IL34: variants seen among roughly 807,000 people sequenced by gnomAD.
The protein encoded by IL34 is interleukin-34.
Under a neutral mutation model 25.3 loss-of-function variants are expected in IL34, and 17 were observed. The ratio of observed to expected loss-of-function variants is 0.67; its 90% confidence interval spans 0.46 to 1.01. IL34 has a LOEUF of 1.01. IL34 is among the 50% of genes least tolerant of loss of function. The pLI, the probability that IL34 is intolerant of heterozygous loss-of-function variation, is 0.00. For synonymous variants in IL34, 174 were observed against 140.9 expected (o/e 1.23, Z -1.66); for missense variants, 368 against 312.9 (o/e 1.18, Z -1.33).
In IL34 at chr16:70,656,690, C is replaced by A. The variant is rs543869409; in HGVS notation, c.240+11C>A. The A allele has an allele frequency of 6.6e-5, 82 of 1,251,254 alleles. 1 individual carries two copies. In the South Asian group the frequency reaches 9.1e-4, roughly 14 times the overall value. 77.5% of individuals were successfully genotyped at this position (1,251,254 alleles called of 1,614,324 possible). ...AACGTCACCAGGCTGGTGAGAATCCCTTCCTGGGCTGGGGGGACCCTGCCT... is the reference window on the plus strand; with the variant it reads ...AACGTCACCAGGCTGGTGAGAATCCATTCCTGGGCTGGGGGGACCCTGCCT... On this transcript the variant is annotated intron_variant, in intron 3 of 5. Coordinates refer to ENST00000288098, the MANE Select transcript of IL34 (RefSeq NM_001393494.1).
At chr16:70,637,024 C>G (rs1161518212) in intron 1 of IL34, among the ~76,000 whole-genome samples, 1 of 151,608 alleles carries the variant, frequency 6.6e-6, no homozygotes, top group East Asian at 2.0e-4. Flanking sequence ...GGACTACAGG[C>G]TAATTTTTTG....
At chr16:70,647,634 C>T (rs369669270) in intron 1 of IL34, among the ~76,000 whole-genome samples, 24 of 152,312 alleles carry the variant, frequency 1.6e-4, no homozygotes, top group Admixed American at 9.8e-4. Flanking sequence ...GTGCCTCCCA[C>T]GTGCCCACTG....
chr16:70,627,322 A>T (rs958947531), intron 1 of IL34, among the ~76,000 whole-genome samples: 1 of 152,126 alleles, frequency 6.6e-6, no homozygotes, highest in Non-Finnish European at 1.5e-5. Context: ...TTGATGAGCT[A>T]TCACAAAGTG....
At chr16:70,654,479 G>A in intron 1 of IL34, 59 bp from the exon 2 acceptor site, 1 of 1,532,908 alleles carries the variant, frequency 6.5e-7, no homozygotes, top group Non-Finnish European at 8.8e-7. Flanking sequence ...TTTGCGTGTT[G>A]TGGACGGCGT....
intron 1 of IL34, among the ~76,000 whole-genome samples, chr16:70,583,212 A>T (rs548555838): frequency 3.5e-4 from 54 of 152,182 alleles, no homozygotes; most frequent in Non-Finnish European, 6.2e-4. Context: ...TCCTGGGTTC[A>T]AGTGATTCTC....
At chr16:70,639,310 C>A (rs572050589) in intron 1 of IL34, among the ~76,000 whole-genome samples, 41 of 152,306 alleles carry the variant, frequency 2.7e-4, no homozygotes, top group African/African-American at 8.9e-4. Flanking sequence ...CATTTGAAAA[C>A]AAATTACACG....
At chr16:70,656,537 G>A (rs1210276932) in intron 2 of IL34, 65 bp from the exon 3 acceptor site, 4 of 858,124 alleles carry the variant, frequency 4.7e-6, no homozygotes, top group Non-Finnish European at 8.2e-6. Flanking sequence ...CATCATTTGG[G>A]AGGTTGGGGA....
chr16:70,597,787 T>C (rs1254964494), intron 1 of IL34, among the ~76,000 whole-genome samples: 1 of 152,144 alleles, frequency 6.6e-6, no homozygotes, highest in Non-Finnish European at 1.5e-5. Flanking sequence ...TATATAGCTG[T>C]CCCTCTCCAG....
intron 1 of IL34, among the ~76,000 whole-genome samples, chr16:70,620,595 G>A (rs940666428): frequency 2.6e-5 from 4 of 152,134 alleles, no homozygotes; most frequent in East Asian, 1.9e-4. Flanking sequence ...GGGGACAGGC[G>A]GGAGGGAAAG....
intron 1 of IL34, among the ~76,000 whole-genome samples, chr16:70,649,222 C>G (rs1197957497): frequency 6.6e-6 from 1 of 152,180 alleles, no homozygotes; most frequent in Non-Finnish European, 1.5e-5. Flanking sequence ...TGTGCCAGCT[C>G]CTGCAGAGCA....
In IL34 at chr16:70,654,758, A is replaced by G. The variant is rs1476010186; in HGVS notation, c.162+87A>G. ...CCTCTGGACATTCAGAGCCCTTCTT[A>G]GGACCTGTGTCAGCCCTGAGCCGAC... On this transcript the variant is annotated intron_variant, in intron 2 of 5. Coordinates refer to ENST00000288098, the MANE Select transcript of IL34 (RefSeq NM_001393494.1). 91 of 1,483,836 alleles carry G rather than the reference A, an allele frequency of 6.1e-5. No homozygotes were observed. The East Asian group carries it at 2.1e-3, about 34-fold the overall frequency. The allele number at this position is 1,483,836 out of a possible 1,614,324, so 91.9% of individuals were successfully genotyped here.
At chr16:70,647,562 A>C (rs1168091663) in intron 1 of IL34, among the ~76,000 whole-genome samples, 3 of 152,256 alleles carry the variant, frequency 2.0e-5, no homozygotes, top group Non-Finnish European at 4.4e-5. Flanking sequence ...GGGAGGCCAG[A>C]CCAAGATCCC....
chr16:70,650,759 A>T (rs893840953), intron 1 of IL34, among the ~76,000 whole-genome samples: 2 of 152,196 alleles, frequency 1.3e-5, no homozygotes, highest in Non-Finnish European at 2.9e-5. Flanking sequence ...GACTCTCTGC[A>T]TCCTAGACTG....
chr16:70,653,363 A>G (rs2151879478), intron 1 of IL34, among the ~76,000 whole-genome samples: 1 of 150,510 alleles, frequency 6.6e-6, no homozygotes, highest in Non-Finnish European at 1.5e-5. Context: ...AAAAAAAAAA[A>G]GCCCCAACAA....
At position 70,597,635 on chromosome 16, in the gene IL34, C is replaced by G. The variant is rs147137332; in HGVS notation, c.-401+17586C>G. Among the ~76,000 whole-genome samples the G allele has an allele frequency of 8.8e-3, 1,341 of 152,342 alleles. 5 individuals carry two copies. Among genetic ancestry groups the G allele is most frequent in the Middle Eastern group, 0.031 (9 of 294 alleles). ...ATGTTTCAAACATATGTATCTCTTA[C>G]AAAATGCAGCTGTTTAATTCCTAAA... On this transcript the variant is annotated intron_variant, in intron 1 of 6. Transcript: ENST00000429149.
chr16:70,591,200 T>C (rs747239161), intron 1 of IL34, among the ~76,000 whole-genome samples: 5 of 152,240 alleles, frequency 3.3e-5, no homozygotes, highest in Non-Finnish European at 5.9e-5. Flanking sequence ...TTTGTGCAAC[T>C]GTGTTTTCCA....
intron 1 of IL34, among the ~76,000 whole-genome samples, chr16:70,623,091 G>T (rs558076759): frequency 6.6e-6 from 1 of 152,028 alleles, no homozygotes; most frequent in Non-Finnish European, 1.5e-5. Flanking sequence ...GAAGAATTAT[G>T]CTGAGATAGG....
intron 1 of IL34, among the ~76,000 whole-genome samples, chr16:70,621,592 C>A (rs180849925): frequency 7.9e-5 from 12 of 152,032 alleles, no homozygotes; most frequent in Non-Finnish European, 1.5e-4. Context: ...TCCCCCGATC[C>A]GAGTCATGGC....
chr16:70,630,167 T>G (rs1210011682), intron 1 of IL34, among the ~76,000 whole-genome samples: 1 of 152,262 alleles, frequency 6.6e-6, no homozygotes, highest in Non-Finnish European at 1.5e-5. Flanking sequence ...TGGTTACAAA[T>G]GACAGGATCT....
Sources: gnomAD v4.1 joint callset for allele counts (sites outside exome capture counted in the v4.1 genomes callset) on GRCh38, gnomAD v4.1.1 for gene constraint, MANE v1.5 for transcripts, NCBI Gene and HGNC (gene_info 2026-07-23, HGNC 2026-07-21) for gene names.